Variants in CRPPA observed in about 807,000 individuals in gnomAD.
CRPPA encodes CDP-L-ribitol pyrophosphorylase A, also known as D-ribitol-5-phosphate cytidylyltransferase.
Under a neutral mutation model 52.0 loss-of-function variants are expected in CRPPA, and 43 were observed. The ratio of observed to expected loss-of-function variants is 0.83; its 90% CI spans 0.65 to 1.07. CRPPA has a LOEUF of 1.07. CRPPA is among the 50% of genes least tolerant of loss of function. CRPPA has a pLI of 0.00. For missense variants in CRPPA, 629 were observed against 551.7 expected, an observed-to-expected ratio of 1.14 and a Z score of -1.40; for synonymous variants, 250 against 203.5, an observed-to-expected ratio of 1.23 and a Z score of -1.94.
intron 3 of CRPPA, among the ~76,000 whole-genome samples, chr7:16,374,824 A>G (rs1249073335): frequency 6.6e-6 from 1 of 152,166 alleles, no homozygotes; most frequent in African/African-American, 2.4e-5. Context: ...ACCTGAAAAA[A>G]AAATCAAACT....
intron 2 of CRPPA, among the ~76,000 whole-genome samples, chr7:16,386,242 C>T (rs150352505): frequency 2.1e-4 from 32 of 152,302 alleles, no homozygotes; most frequent in Middle Eastern, 6.8e-3. Flanking sequence ...CAGCTGAACT[C>T]CTCTCAACGT....
At chr7:16,236,855 C>T (rs753125579) in intron 8 of CRPPA, among the ~76,000 whole-genome samples, 2 of 151,938 alleles carry the variant, frequency 1.3e-5, no homozygotes, top group African/African-American at 4.8e-5. Context: ...TAAATTGTGT[C>T]TATCCCTGGA....
At chr7:16,263,457 A>G (rs1271392838) in intron 6 of CRPPA, among the ~76,000 whole-genome samples, 2 of 152,174 alleles carry the variant, frequency 1.3e-5, no homozygotes, top group Admixed American at 6.5e-5. Context: ...CACTCTTAGA[A>G]TATACAATTG....
At chr7:16,293,203 G>C (rs753944685) in intron 5 of CRPPA, among the ~76,000 whole-genome samples, 26 of 151,944 alleles carry the variant, frequency 1.7e-4, no homozygotes, top group Admixed American at 1.1e-3. Context: ...AATTTTCTTG[G>C]AAACACTCAA....
At chr7:16,310,204 GCAAA>G (rs1343508048) in intron 3 of CRPPA, among the ~76,000 whole-genome samples, 3 of 151,996 alleles carry the variant, frequency 2.0e-5, no homozygotes, top group African/African-American at 7.3e-5. Context: ...AAACACACAC[GCAAA>G]CAGACAGACA....
chr7:16,329,815 C>A (rs868815904), intron 3 of CRPPA, among the ~76,000 whole-genome samples: 4 of 152,104 alleles, frequency 2.6e-5, no homozygotes, highest in African/African-American at 9.7e-5. Context: ...TGGCTGCAAT[C>A]ACAAAAGACA....
Position 16,094,793 on chromosome 7 carries a change from G to A in CRPPA, c.1252-2994C>T, listed in dbSNP as rs1781904457. On this transcript the variant is annotated intron_variant, in intron 9 of 9. Transcript: ENST00000407010. ...CAGGCTAATCATGAGGAAGACATCG[G>A]AAAAGTTCCTGTTGGAGGGACATTC... 2.6e-5 allele frequency among the ~76,000 whole-genome samples: 4 copies of A among 152,044 alleles called. No individual in the cohort carries two copies. The South Asian group carries it at 6.2e-4, about 24-fold the overall frequency.
intron 9 of CRPPA, among the ~76,000 whole-genome samples, chr7:16,154,255 A>C (rs972814013): frequency 4.6e-5 from 7 of 152,050 alleles, no homozygotes; most frequent in African/African-American, 1.7e-4. Flanking sequence ...AATGGGACAC[A>C]TGGGCAGAGC....
intron 9 of CRPPA, among the ~76,000 whole-genome samples, chr7:16,197,513 T>A (rs1781765044): frequency 6.6e-6 from 1 of 152,030 alleles, no homozygotes; most frequent in African/African-American, 2.4e-5. Context: ...AGCATTTTTT[T>A]TTTTTTAAGA....
intron 8 of CRPPA, among the ~76,000 whole-genome samples, chr7:16,239,324 C>G (rs966819699): frequency 6.6e-6 from 1 of 151,690 alleles, no homozygotes; most frequent in Non-Finnish European, 1.5e-5. Flanking sequence ...TTACCATGCT[C>G]ATTTTACAAG....
chr7:16,409,470 G>A (rs1788029441), intron 1 of CRPPA, among the ~76,000 whole-genome samples: 1 of 152,222 alleles, frequency 6.6e-6, no homozygotes, highest in Non-Finnish European at 1.5e-5. Context: ...AGACCAGGTA[G>A]GAGGTGGCTG....
chr7:16,387,053 ATATATAT>A (rs1385176120), intron 2 of CRPPA, among the ~76,000 whole-genome samples: 1 of 33,818 alleles, frequency 3.0e-5, no homozygotes, highest in Admixed American at 2.7e-4. Flanking sequence ...AGATATATAT[ATATATAT>A]ATATATATAT....
At chr7:16,163,828 T>C (rs557663054) in intron 9 of CRPPA, among the ~76,000 whole-genome samples, 7 of 152,182 alleles carry the variant, frequency 4.6e-5, no homozygotes, top group Non-Finnish European at 1.0e-4. Context: ...TTCTTTAAGA[T>C]TGTTGAATGT....
chr7:16,378,964 T>C (rs1786992911), intron 2 of CRPPA, among the ~76,000 whole-genome samples: 1 of 152,166 alleles, frequency 6.6e-6, no homozygotes, highest in Non-Finnish European at 1.5e-5. Context: ...GGTTGTTTTT[T>C]TCTTGTAAAT....
At chr7:16,272,175 G>C (rs1257254038) in intron 6 of CRPPA, among the ~76,000 whole-genome samples, 3 of 152,142 alleles carry the variant, frequency 2.0e-5, no homozygotes, top group African/African-American at 7.2e-5. Context: ...TAGCAAGACT[G>C]ATAGCAAAGC....
At chr7:16,386,334 AGCCTG>A (rs2128313917) in intron 2 of CRPPA, among the ~76,000 whole-genome samples, 1 of 151,934 alleles carries the variant, frequency 6.6e-6, no homozygotes, top group South Asian at 2.1e-4. Context: ...CTGCTCATGG[AGCCTG>A]GGGTTTGGGG....
chr7:16,150,168 A>G (rs1005475629), intron 9 of CRPPA, among the ~76,000 whole-genome samples: 2 of 152,170 alleles, frequency 1.3e-5, no homozygotes, highest in African/African-American at 2.4e-5. Context: ...TTGAACAAAG[A>G]TTTTAAATGA....
At chr7:16,107,692 TAAGTAA>T (rs1172194300) in intron 9 of CRPPA, among the ~76,000 whole-genome samples, 1 of 151,994 alleles carries the variant, frequency 6.6e-6, no homozygotes, top group African/African-American at 2.4e-5. Flanking sequence ...ATCAATTGTA[TAAGTAA>T]AACAGTCATA....
At chr7:16,374,772 G>A (rs1301682398) in intron 3 of CRPPA, among the ~76,000 whole-genome samples, 2 of 151,872 alleles carry the variant, frequency 1.3e-5, no homozygotes, top group East Asian at 3.9e-4. Flanking sequence ...TCTCACTGTG[G>A]AATCACCCCC....
Sources: allele counts gnomAD v4.1 joint callset (sites outside exome capture counted in the v4.1 genomes callset), GRCh38; gene constraint gnomAD v4.1.1; transcripts MANE v1.5; gene names NCBI Gene and HGNC (gene_info 2026-07-23, HGNC 2026-07-21).